Variants in CNTN5 observed in about 807,000 individuals in gnomAD.
The protein encoded by CNTN5 is contactin 5.
Under a neutral mutation model 129.1 loss-of-function variants are expected in CNTN5, and 77 were observed. The ratio of observed to expected loss-of-function variants is 0.60; its 90% CI spans 0.50 to 0.72. The LOEUF (loss-of-function observed/expected upper bound fraction) is 0.72. Ranked by LOEUF, CNTN5 falls within the 30% of genes least tolerant of loss-of-function variation. The probability of loss-of-function intolerance (pLI) is 0.00; values close to 1 mark genes in which losing one functional copy is unlikely to be tolerated. For missense variants in CNTN5, 1,478 were observed against 1,328.8 expected (o/e 1.11, Z -1.75); for synonymous variants, 509 against 465.6 (o/e 1.09, Z -1.20).
At chr11:100,322,468 C>T (rs1472292925) in intron 21 of CNTN5, among the ~76,000 whole-genome samples, 1 of 152,104 alleles carries the variant, frequency 6.6e-6, no homozygotes, top group Admixed American at 6.5e-5. Context: ...ATGATCCGGC[C>T]GTCTTGGCCT....
chr11:99,618,919 TGGCTAACCCAGCCATAA>T (rs1177251813), intron 3 of CNTN5, among the ~76,000 whole-genome samples: 3 of 148,084 alleles, frequency 2.0e-5, no homozygotes, highest in African/African-American at 5.3e-5. Flanking sequence ...TTAAACTGTT[TGGCTAACCCAGCCATAA>T]TGCACAACTT....
intron 4 of CNTN5, among the ~76,000 whole-genome samples, chr11:99,828,319 C>G (rs535229176): frequency 6.6e-6 from 1 of 152,232 alleles, no homozygotes; most frequent in East Asian, 1.9e-4. Context: ...ATGCCACAGG[C>G]TGGGTAATTT....
At chr11:100,066,571 C>T (rs759910001) in intron 10 of CNTN5, among the ~76,000 whole-genome samples, 7 of 152,030 alleles carry the variant, frequency 4.6e-5, no homozygotes, top group Admixed American at 2.0e-4. Flanking sequence ...AAGTACGGTG[C>T]ATCTGGTGAG....
chr11:100,161,223 C>CTGTA (rs1565301515), intron 13 of CNTN5, among the ~76,000 whole-genome samples: 1 of 151,814 alleles, frequency 6.6e-6, no homozygotes, highest in African/African-American at 2.4e-5. Flanking sequence ...CACAAGAGAG[C>CTGTA]TGTATAGCTA....
At chr11:99,942,702 G>A (rs759519652) in intron 7 of CNTN5, among the ~76,000 whole-genome samples, 24 of 151,770 alleles carry the variant, frequency 1.6e-4, no homozygotes, top group African/African-American at 4.6e-4. Flanking sequence ...GACAGGCCCC[G>A]GTGTATGGTG....
chr11:99,238,749 T>A (rs988231928), intron 1 of CNTN5, among the ~76,000 whole-genome samples: 3 of 152,158 alleles, frequency 2.0e-5, no homozygotes, highest in African/African-American at 7.2e-5. Flanking sequence ...GTATTCTATC[T>A]ACATACAAGT....
chr11:100,019,119 G>A (rs1940986052), intron 9 of CNTN5, among the ~76,000 whole-genome samples: 1 of 151,832 alleles, frequency 6.6e-6, no homozygotes, highest in South Asian at 2.1e-4. Context: ...CCTTACTAGT[G>A]TGTCTCAAAA....
chr11:100,078,192 A>G (rs1337175962), intron 13 of CNTN5, among the ~76,000 whole-genome samples: 1 of 152,090 alleles, frequency 6.6e-6, no homozygotes, highest in Non-Finnish European at 1.5e-5. Flanking sequence ...GTTTTCTTGA[A>G]GGTCAGTGTC....
intron 3 of CNTN5, among the ~76,000 whole-genome samples, chr11:99,745,289 T>G (rs1173936344): frequency 1.3e-5 from 2 of 152,150 alleles, no homozygotes; most frequent in Admixed American, 1.3e-4. Flanking sequence ...TTCACTAAGG[T>G]CAATGTAAAC....
intron 2 of CNTN5, among the ~76,000 whole-genome samples, chr11:99,447,829 G>C (rs1478837882): frequency 6.6e-6 from 1 of 152,162 alleles, no homozygotes; most frequent in African/African-American, 2.4e-5. Flanking sequence ...GGAGGCTGAG[G>C]CAGGAGAATT....
chr11:100,322,910 T>A (rs1036259417), intron 21 of CNTN5, among the ~76,000 whole-genome samples: 2 of 152,200 alleles, frequency 1.3e-5, no homozygotes, highest in African/African-American at 4.8e-5. Context: ...ACTTAGCACT[T>A]ACCTTAATCT....
chr11:100,220,469 T>C (rs1240299683), intron 15 of CNTN5, among the ~76,000 whole-genome samples: 1 of 152,140 alleles, frequency 6.6e-6, no homozygotes, highest in Admixed American at 6.5e-5. Context: ...GCTTAATGCT[T>C]TTCTACAATA....
chr11:100,024,932 A>G (rs1283741816), intron 9 of CNTN5, among the ~76,000 whole-genome samples: 2 of 152,214 alleles, frequency 1.3e-5, no homozygotes, highest in East Asian at 1.9e-4. Context: ...GCAGCCTGAC[A>G]ATGCGATAGA....
At chr11:100,014,232 C>A (rs1440991779) in intron 9 of CNTN5, among the ~76,000 whole-genome samples, 2 of 152,092 alleles carry the variant, frequency 1.3e-5, no homozygotes, top group Non-Finnish European at 2.9e-5. Flanking sequence ...ATATATACCA[C>A]ATTTGATGCA....
At chr11:99,611,307 C>A (rs945770735) in intron 3 of CNTN5, among the ~76,000 whole-genome samples, 2 of 152,104 alleles carry the variant, frequency 1.3e-5, no homozygotes, top group African/African-American at 4.8e-5. Flanking sequence ...CAGATACATT[C>A]TAAAAGCTTT....
intron 1 of CNTN5, among the ~76,000 whole-genome samples, chr11:99,189,067 A>G (rs12364669): frequency 0.018 from 2,752 of 151,780 alleles, 40 homozygotes; most frequent in Middle Eastern, 0.065. Context: ...GGTTCCACAC[A>G]TAAGTGAAAT....
chr11:100,309,671 A>G (rs1484389348), intron 21 of CNTN5: 1 of 984,770 alleles, frequency 1.0e-6, no homozygotes, highest in Non-Finnish European at 1.2e-6. Context: ...TTGGCCCATA[A>G]CTGACCACAA....
chr11:99,601,666 A>AT lies in CNTN5; in HGVS notation c.55+45402dup, dbSNP rs1309018117. Among the ~76,000 whole-genome samples, 4 of 152,094 alleles carry AT rather than the reference A, an allele frequency of 2.6e-5. No homozygotes were observed. The East Asian group carries it at 7.7e-4, about 29-fold the overall frequency. On this transcript the variant is annotated intron_variant, in intron 3 of 24. Coordinates refer to ENST00000524871, the MANE Select transcript of CNTN5 (RefSeq NM_014361.4). ...TTCTTTGGTGACACCACACCCTAAA[A>AT]TTTTTCTTTCCTTAATTCTCATCCT...
chr11:99,825,134 T>C (rs970165374), intron 4 of CNTN5, among the ~76,000 whole-genome samples: 1 of 151,980 alleles, frequency 6.6e-6, no homozygotes, highest in African/African-American at 2.4e-5. Context: ...TTTGTAAAAA[T>C]TGCTTGTGTG....
Sources: gnomAD v4.1 joint callset for allele counts (sites outside exome capture counted in the v4.1 genomes callset) on GRCh38, gnomAD v4.1.1 for gene constraint, MANE v1.5 for transcripts, NCBI Gene and HGNC (gene_info 2026-07-23, HGNC 2026-07-21) for gene names.